Variants in SIAH3 observed in about 807,000 individuals in gnomAD.
SIAH3 encodes seven in absentia homolog 3.
In SIAH3, 9 loss-of-function variants were observed where a neutral mutation model predicts 12.6. That is an observed-to-expected ratio of 0.72 (90% CI 0.43 to 1.25). The LOEUF (loss-of-function observed/expected upper bound fraction) is 1.25. Ranked by LOEUF, SIAH3 falls within the 50% of genes most tolerant of loss-of-function variation. SIAH3 has a pLI of 0.00. For synonymous variants in SIAH3, 154 were observed against 151.1 expected (o/e 1.02, Z -0.14); for missense variants, 390 against 365.4 (o/e 1.07, Z -0.55).
At chr13:45,836,549 T>C (rs1950718630) in intron 1 of SIAH3, among the ~76,000 whole-genome samples, 1 of 152,144 alleles carries the variant, frequency 6.6e-6, no homozygotes, top group Non-Finnish European at 1.5e-5. Flanking sequence ...TTTTCACTTA[T>C]AAGTGGGAGC....
chr13:45,807,201 A>T (rs1347762981), intron 1 of SIAH3, among the ~76,000 whole-genome samples: 1 of 152,132 alleles, frequency 6.6e-6, no homozygotes, highest in Admixed American at 6.5e-5. Context: ...TCATCTATTC[A>T]ATACGATGAT....
chr13:45,805,747 A>AGGCAGGAGAATT (rs1950596545), intron 1 of SIAH3, among the ~76,000 whole-genome samples: 1 of 152,226 alleles, frequency 6.6e-6, no homozygotes, highest in Admixed American at 6.5e-5. Context: ...TAAACTAAAG[A>AGGCAGGAGAATT]GCTTCTGCAC....
At chr13:45,841,049 G>A (rs1270413128) in intron 1 of SIAH3, among the ~76,000 whole-genome samples, 1 of 152,124 alleles carries the variant, frequency 6.6e-6, no homozygotes, top group Non-Finnish European at 1.5e-5. Flanking sequence ...TTTTTATTGT[G>A]TGTGTAACTA....
Position 45,779,168 on chromosome 13 carries a change from T to C in SIAH3, c.*4215A>G, listed in dbSNP as rs1237372060. 1.3e-5 allele frequency: 2 copies of C among 152,198 alleles called. No individual in the cohort carries two copies. The highest frequency in any genetic ancestry group is 3.8e-4 in the East Asian group (2 of 5,204). 9.4% of individuals were successfully genotyped at this position (152,198 alleles called of 1,614,324 possible). A position where few individuals can be genotyped will look rare whatever the true frequency, so the allele number is the denominator to read the frequency against. On this transcript the variant is annotated 3_prime_UTR_variant, in exon 2 of 2. Transcript: ENST00000400405. ...TAGTATGTTCATCATACAGATGTGA[T>C]AGATGTAAATAACCCCAGGAGCATA... is the stretch of plus-strand genomic sequence containing the variant.
Position 45,777,647 on chromosome 13 carries a change from A to G in SIAH3, c.*5736T>C, listed in dbSNP as rs1950489127. 1 of 152,184 alleles carries G rather than the reference A, an allele frequency of 6.6e-6. No homozygotes were observed. The highest frequency in any genetic ancestry group is 2.1e-4 in the South Asian group (1 of 4,814). The allele number at this position is 152,184 out of a possible 1,614,324, so 9.4% of individuals were successfully genotyped here. On this transcript the variant is annotated 3_prime_UTR_variant, in exon 2 of 2. Coordinates refer to ENST00000400405, the MANE Select transcript of SIAH3 (RefSeq NM_198849.3). ...TATTTTCCAGGTGAACACAATGGGG[A>G]ACTCACCAATTCCTGAAGAAAATCT...
chr13:45,826,369 A>ATGCTTGGGTAGG (rs1950675060), intron 1 of SIAH3, among the ~76,000 whole-genome samples: 1 of 80,802 alleles, frequency 1.2e-5, no homozygotes, highest in Non-Finnish European at 2.7e-5. Context: ...GGATGGATGG[A>ATGCTTGGGTAGG]TGGATGAATG....
At chr13:45,794,716 G>C (rs531186553) in intron 1 of SIAH3, among the ~76,000 whole-genome samples, 1 of 152,266 alleles carries the variant, frequency 6.6e-6, no homozygotes, top group Admixed American at 6.5e-5. Flanking sequence ...GGCCTCCCCA[G>C]TCATGTGAAA....
At chr13:45,796,120 C>G (rs2137554738) in intron 1 of SIAH3, among the ~76,000 whole-genome samples, 1 of 152,244 alleles carries the variant, frequency 6.6e-6, no homozygotes, top group East Asian at 1.9e-4. Flanking sequence ...GGAAATATAA[C>G]TCGTGGTCTG....
chr13:45,822,214 T>G (rs1207119290), intron 1 of SIAH3, among the ~76,000 whole-genome samples: 1 of 152,174 alleles, frequency 6.6e-6, no homozygotes, highest in Non-Finnish European at 1.5e-5. Context: ...GGTGTCCCAC[T>G]GCCATGATTC....
chr13:45,797,299 T>C (rs1355313055), intron 1 of SIAH3, among the ~76,000 whole-genome samples: 1 of 152,182 alleles, frequency 6.6e-6, no homozygotes, highest in African/African-American at 2.4e-5. Flanking sequence ...CCCCAGGCTC[T>C]AGCTCAGCCT....
chr13:45,846,372 G>A (rs1950760397), intron 1 of SIAH3, among the ~76,000 whole-genome samples: 1 of 152,086 alleles, frequency 6.6e-6, no homozygotes, highest in African/African-American at 2.4e-5. Flanking sequence ...TTACAGGCGT[G>A]AGCCACCGCA....
rs150147154 is a variant in SIAH3 at position 45,807,221 on chromosome 13, T to C, written c.136-23164A>G. Among the ~76,000 whole-genome samples the C allele has an allele frequency of 4.5e-4, 68 of 151,908 alleles. No individual in the cohort carries two copies. The East Asian group carries it at 8.3e-3, about 19-fold the overall frequency. On this transcript the variant is annotated intron_variant, in intron 1 of 1. Coordinates refer to ENST00000400405, the MANE Select transcript of SIAH3 (RefSeq NM_198849.3). Reference sequence around the variant, plus strand: ...TATTCAATACGATGATTCACTGTTATAAATATGTTGACATTCCCTAAAATT... The same window carrying C: ...TATTCAATACGATGATTCACTGTTACAAATATGTTGACATTCCCTAAAATT...
intron 1 of SIAH3, among the ~76,000 whole-genome samples, chr13:45,840,179 A>T (rs1160658342): frequency 6.6e-6 from 1 of 151,780 alleles, no homozygotes; most frequent in Non-Finnish European, 1.5e-5. Context: ...AATCACTTGA[A>T]CCCAGGAGGC....
chr13:45,816,429 C>A (rs1348856450), intron 1 of SIAH3, among the ~76,000 whole-genome samples: 2 of 152,194 alleles, frequency 1.3e-5, no homozygotes, highest in Non-Finnish European at 2.9e-5. Flanking sequence ...TGTTTATAGC[C>A]ACTTATTTCC....
intron 1 of SIAH3, among the ~76,000 whole-genome samples, chr13:45,785,434 A>T (rs1950524789): frequency 6.9e-6 from 1 of 144,526 alleles, no homozygotes; most frequent in South Asian, 2.2e-4. Flanking sequence ...GTCACCAGCC[A>T]CTGTTGCTGC....
chr13:45,850,745 C>T (rs1302616625), intron 1 of SIAH3, among the ~76,000 whole-genome samples: 1 of 152,074 alleles, frequency 6.6e-6, no homozygotes, highest in Non-Finnish European at 1.5e-5. Flanking sequence ...GCAGAGGCCC[C>T]GGGGCAGCTA....
intron 1 of SIAH3, 109 bp downstream of exon 1, chr13:45,851,386 G>A: frequency 2.1e-6 from 3 of 1,455,964 alleles, no homozygotes; most frequent in East Asian, 4.6e-5. Flanking sequence ...CCCAGCCCCC[G>A]AGACCCGGGT....
rs116029824 is a variant in SIAH3, at chr13:45,827,780, C to A, written c.135+23715G>T. On this transcript the variant is annotated intron_variant, in intron 1 of 1. Coordinates refer to ENST00000400405, the MANE Select transcript of SIAH3 (RefSeq NM_198849.3). ...CTACATGATACCAAAGCAACATTTC[C>A]CTTCCAGGCCCCTGCCACCTCTACC... Among the ~76,000 whole-genome samples, 387 of 152,304 alleles carry A rather than the reference C, an allele frequency of 2.5e-3. 2 individuals are homozygous for A. The highest frequency in any genetic ancestry group is 9.0e-3 in the African/African-American group (375 of 41,562).
chr13:45,838,405 C>T (rs1474598168), intron 1 of SIAH3, among the ~76,000 whole-genome samples: 1 of 152,150 alleles, frequency 6.6e-6, no homozygotes, highest in Non-Finnish European at 1.5e-5. Flanking sequence ...TATTTAATTA[C>T]CATAAACAGA....
Sources: gnomAD v4.1 joint callset for allele counts (sites outside exome capture counted in the v4.1 genomes callset) on GRCh38, gnomAD v4.1.1 for gene constraint, MANE v1.5 for transcripts, NCBI Gene and HGNC (gene_info 2026-07-23, HGNC 2026-07-21) for gene names.